C2orf49: variants seen among roughly 807,000 people sequenced by gnomAD.
C2orf49 encodes tRNA splicing ligase complex subunit 2.
C2orf49 carries 11 observed loss-of-function variants against 20.6 expected under a neutral mutation model. That is an observed-to-expected ratio of 0.53 (90% CI 0.34 to 0.88). C2orf49 has a LOEUF of 0.88. Among genes scored for constraint, C2orf49 ranks in the 40% least tolerant of loss-of-function variants. The pLI, the probability that C2orf49 is intolerant of heterozygous loss-of-function variation, is 0.02. For synonymous variants in C2orf49, 134 were observed against 108.5 expected (o/e 1.24, Z -1.46); for missense variants, 289 against 274.2 (o/e 1.05, Z -0.38).
At chr2:105,356,095 A>T in the C2orf49 span, among the ~76,000 whole-genome samples, 7 of 152,098 alleles carry the variant, frequency 4.6e-5, no homozygotes, top group African/African-American at 1.2e-4. Flanking sequence ...AAAAAATTTT[A>T]AAAATAGACA....
chr2:105,382,996 C>T, the C2orf49 span, among the ~76,000 whole-genome samples: 2 of 152,208 alleles, frequency 1.3e-5, no homozygotes, highest in African/African-American at 4.8e-5. Flanking sequence ...AATGATTCTC[C>T]TGCCTCAGCC....
chr2:105,347,033 T>G lies in C2orf49; in HGVS notation c.*1662T>G, dbSNP rs1244573982. ...CCTCTTTTGATTTGTTAAACAAGCA[T>G]TTTAGTTCAGCTATTGAATAGCCTT... is the stretch of plus-strand genomic sequence containing the variant. On this transcript the variant is annotated 3_prime_UTR_variant, in exon 4 of 4. Coordinates refer to ENST00000258457, the MANE Select transcript of C2orf49 (RefSeq NM_024093.3). The G allele has an allele frequency of 1.3e-5, 2 of 152,246 alleles. No individual in the cohort carries two copies. Among genetic ancestry groups the G allele is most frequent in the Non-Finnish European group, 2.9e-5 (2 of 68,044 alleles). The allele number at this position is 152,246 out of a possible 1,614,324, so 9.4% of individuals were successfully genotyped here. A position where few individuals can be genotyped will look rare whatever the true frequency, so the allele number is the denominator to read the frequency against.
At chr2:105,366,356 A>G in the C2orf49 span, among the ~76,000 whole-genome samples, 17 of 152,366 alleles carry the variant, frequency 1.1e-4, no homozygotes, top group African/African-American at 4.1e-4. Flanking sequence ...ATGTTTCTCC[A>G]TGGCCCAGAC....
the C2orf49 span, chr2:105,363,243 G>A: frequency 1.2e-6 from 2 of 1,600,744 alleles, no homozygotes; most frequent in South Asian, 1.1e-5. Context: ...CCTTGTTCAA[G>A]CTTCCAATCG....
At chr2:105,378,164 G>A in the C2orf49 span, 13 of 471,058 alleles carry the variant, frequency 2.8e-5, no homozygotes, top group South Asian at 2.0e-4. Flanking sequence ...ATGGGTCCAA[G>A]GCACTGCAGA....
At chr2:105,382,342 C>T in the C2orf49 span, among the ~76,000 whole-genome samples, 98 of 152,302 alleles carry the variant, frequency 6.4e-4, no homozygotes, top group African/African-American at 2.2e-3. Flanking sequence ...ACATCTGGCC[C>T]GAGAGTCACA....
chr2:105,363,638 C>T, the C2orf49 span, among the ~76,000 whole-genome samples: 1 of 152,220 alleles, frequency 6.6e-6, no homozygotes, highest in Admixed American at 6.5e-5. Context: ...ACCCTCACCA[C>T]ACGCTTTCAT....
At chr2:105,337,747 C>G (rs939737468) in intron 1 of C2orf49, 61 bp downstream of exon 1, 1 of 1,442,688 alleles carries the variant, frequency 6.9e-7, no homozygotes, top group African/African-American at 1.4e-5. Flanking sequence ...CGCTTGCACC[C>G]GAGCTTGCCT....
Position 105,339,699 on chromosome 2 carries a change from A to G in C2orf49, c.216A>G (p.Lys72=), listed in dbSNP as rs1422733795. The change falls in exon 2 of 4, where the codon AAA becomes AAG. Residue 72 remains lysine (K), a synonymous_variant. Transcript: ENST00000258457. ...ATTTGCCGAAGAATAGATGGGGGAAAATGATGGAAAAGAAAAGAGAACAAC... is the reference window on the plus strand; with the variant it reads ...ATTTGCCGAAGAATAGATGGGGGAAGATGATGGAAAAGAAAAGAGAACAAC... ...QRDLPKNRWG[K]MMEKKREQHE... 6.2e-7 allele frequency: 1 copy of G among 1,606,994 alleles called. No homozygotes were observed.
chr2:105,364,732 C>T, the C2orf49 span, among the ~76,000 whole-genome samples: 82 of 152,282 alleles, frequency 5.4e-4, no homozygotes, highest in Non-Finnish European at 1.1e-3. Flanking sequence ...CAGTATCATG[C>T]AGTAACTCCT....
At chr2:105,351,382 A>C (rs1379041213), downstream of C2orf49, among the ~76,000 whole-genome samples, 1 of 144,492 alleles carries the variant, frequency 6.9e-6, no homozygotes, top group Non-Finnish European at 1.5e-5. Context: ...TCTTTGGAAC[A>C]AACTCACTTA....
intron 2 of C2orf49, among the ~76,000 whole-genome samples, chr2:105,341,474 A>T (rs1164262537): frequency 1.3e-5 from 2 of 152,262 alleles, no homozygotes; most frequent in African/African-American, 4.8e-5. Flanking sequence ...AAGGTCACAC[A>T]GAGCTAGGAC....
intron 2 of C2orf49, among the ~76,000 whole-genome samples, chr2:105,342,587 T>C (rs532036015): frequency 1.3e-5 from 2 of 152,188 alleles, no homozygotes; most frequent in South Asian, 4.1e-4. Flanking sequence ...AGATGGTTAA[T>C]TGATGTTTTA....
the C2orf49 span, among the ~76,000 whole-genome samples, chr2:105,361,659 C>T: frequency 0.039 from 5,943 of 152,198 alleles, 125 homozygotes; most frequent in Middle Eastern, 0.068. Context: ...GGTTCCAAAA[C>T]GATGGGATAA....
intron 1 of C2orf49, among the ~76,000 whole-genome samples, chr2:105,338,493 C>T (rs1679568272): frequency 6.6e-6 from 1 of 152,158 alleles, no homozygotes; most frequent in African/African-American, 2.4e-5. Flanking sequence ...GGGCTCCGTC[C>T]TCAGTTTCTC....
rs929157660 is a variant in C2orf49, at chr2:105,346,902, A to G, written c.*1531A>G. Reference sequence around the variant, plus strand: ...GAGTTCTAGTTTCTACTGTTCTGCTATGTGTTTCTAAGCAAGAGCAAAGGA... The same window carrying G: ...GAGTTCTAGTTTCTACTGTTCTGCTGTGTGTTTCTAAGCAAGAGCAAAGGA... On this transcript the variant is annotated 3_prime_UTR_variant, in exon 4 of 4. Coordinates refer to ENST00000258457, the MANE Select transcript of C2orf49 (RefSeq NM_024093.3). The G allele has an allele frequency of 1.3e-5, 2 of 152,230 alleles. No individual in the cohort carries two copies. Among genetic ancestry groups the G allele is most frequent in the Non-Finnish European group, 2.9e-5 (2 of 68,034 alleles). 9.4% of individuals were successfully genotyped at this position (152,230 alleles called of 1,614,324 possible).
chr2:105,368,377 G>A, the C2orf49 span, among the ~76,000 whole-genome samples: 1 of 152,226 alleles, frequency 6.6e-6, no homozygotes, highest in East Asian at 1.9e-4. Flanking sequence ...TGTCACCCAG[G>A]CTGGAGTGCA....
At chr2:105,372,386 C>T in the C2orf49 span, among the ~76,000 whole-genome samples, 3 of 149,650 alleles carry the variant, frequency 2.0e-5, no homozygotes, top group Admixed American at 6.7e-5. Flanking sequence ...CCACTATGCC[C>T]GGCTAATTTT....
downstream of C2orf49, among the ~76,000 whole-genome samples, chr2:105,350,614 C>T (rs543309997): frequency 6.6e-6 from 1 of 152,308 alleles, no homozygotes; most frequent in African/African-American, 2.4e-5. Context: ...GACTAACAAA[C>T]ATTTAGGAGA....
Sources: allele counts gnomAD v4.1 joint callset (sites outside exome capture counted in the v4.1 genomes callset), GRCh38; gene constraint gnomAD v4.1.1; transcripts MANE v1.5; gene names NCBI Gene and HGNC (gene_info 2026-07-23, HGNC 2026-07-21).